The following FNBP4 variants were observed in gnomAD, a reference collection of about 807,000 sequenced individuals.
FNBP4 encodes the protein formin-binding protein 4.
In FNBP4, 34 loss-of-function variants were observed where a neutral mutation model predicts 119.3. The ratio of observed to expected loss-of-function variants is 0.28; its 90% CI spans 0.22 to 0.38. FNBP4 has a LOEUF of 0.38. FNBP4 is among the 10% of genes least tolerant of loss of function. FNBP4 has a pLI of 1.00. For missense variants in FNBP4, 1,112 were observed against 1,228.9 expected, an observed-to-expected ratio of 0.90 and a Z score of 1.42; for synonymous variants, 462 against 430.6, an observed-to-expected ratio of 1.07 and a Z score of -0.90.
intron 1 of FNBP4, among the ~76,000 whole-genome samples, chr11:47,766,589 C>T (rs550094536): frequency 2.0e-4 from 31 of 152,342 alleles, no homozygotes; most frequent in Admixed American, 3.3e-4. Flanking sequence ...CTCCATTTCT[C>T]CAGCAGTTCT....
intron 1 of FNBP4, among the ~76,000 whole-genome samples, chr11:47,765,580 G>T (rs1002603674): frequency 1.3e-5 from 1 of 76,880 alleles, no homozygotes; most frequent in Non-Finnish European, 2.5e-5. Context: ...GGGGGGGGGG[G>T]GGCCACTTGA....
intron 8 of FNBP4, among the ~76,000 whole-genome samples, chr11:47,742,012 G>C (rs1017459426): frequency 6.6e-6 from 1 of 151,942 alleles, no homozygotes; most frequent in Non-Finnish European, 1.5e-5. Flanking sequence ...TTTAACCAAT[G>C]AACAATAATT....
Position 47,767,183 on chromosome 11 carries a change from C to T in FNBP4, c.106G>A (p.Asp36Asn), listed in dbSNP as rs1238703239. 9.6e-6 allele frequency: 15 copies of T among 1,559,814 alleles called. No individual in the cohort carries two copies. The highest frequency in any genetic ancestry group is 1.2e-5 in the Non-Finnish European group (14 of 1,158,338). The change falls in exon 1 of 17, where the codon GAC becomes AAC. Residue 36 changes from aspartate (D) to asparagine (N), a missense_variant. Physicochemically the swap from Asp to Asn is conservative, Grantham distance 23 (BLOSUM62 1). This residue lies in a region of FNBP4 where 286 missense variants were observed against 240.1 expected (regional missense o/e 1.19). Transcript: ENST00000263773. ...GCCGCGGTTGAGTCCGGCTCAGTGT[C>T]GGGTTCCGGCTCCGGGTCCCGGCCC... The part of the protein sequence containing the change: ...TPGRDPEPEP[D>N]TEPDSTAAVP...
intron 7 of FNBP4, among the ~76,000 whole-genome samples, chr11:47,744,405 C>G (rs1334238315): frequency 6.9e-6 from 1 of 144,956 alleles, no homozygotes; most frequent in Non-Finnish European, 1.6e-5. Flanking sequence ...TTCCAAGTAG[C>G]TGGAACTACA....
chr11:47,751,825 G>T (rs1352421968), intron 4 of FNBP4, among the ~76,000 whole-genome samples: 1 of 152,042 alleles, frequency 6.6e-6, no homozygotes, highest in African/African-American at 2.4e-5. Flanking sequence ...GTGCGTGCCT[G>T]TAATCCCAGC....
At position 47,732,821 on chromosome 11, in the gene FNBP4, A is replaced by C; in HGVS notation, c.1687-151T>G. On this transcript the variant is annotated intron_variant, in intron 10 of 16. Coordinates refer to ENST00000263773, the MANE Select transcript of FNBP4 (RefSeq NM_015308.5). The surrounding 1 kb of genome is among the most constrained non-coding windows in gnomAD (Gnocchi z 4.2). ...GGAAAATAAACCCCATCTTCATCTCATAAAATAATCTTAAGGCCGGGCATG... is the reference window on the plus strand; with the variant it reads ...GGAAAATAAACCCCATCTTCATCTCCTAAAATAATCTTAAGGCCGGGCATG... The C allele has an allele frequency of 4.0e-6, 3 of 751,244 alleles. No individual in the cohort carries two copies. Among genetic ancestry groups the C allele is most frequent in the Non-Finnish European group, 6.4e-6 (3 of 466,002 alleles). The allele number at this position is 751,244 out of a possible 1,614,324, so 46.5% of individuals were successfully genotyped here. A position where few individuals can be genotyped will look rare whatever the true frequency, so the allele number is the denominator to read the frequency against.
intron 8 of FNBP4, among the ~76,000 whole-genome samples, chr11:47,740,393 CAG>C (rs971284914): frequency 2.7e-5 from 4 of 150,204 alleles, no homozygotes; most frequent in Non-Finnish European, 1.5e-5. Flanking sequence ...GCCTGGGTGA[CAG>C]AGTGAGACCC....
rs959216027 is a variant in FNBP4, at chr11:47,724,245, T to G, written c.2320-73A>C. The G allele has an allele frequency of 2.3e-5, 36 of 1,570,728 alleles. No homozygotes were observed. The African/African-American group carries it at 4.1e-4, about 18-fold the overall frequency. ...ATAGCCCGCTCCCACCTCCTTTTTTTGAGACAGGCTCTCATTCTGTTGCAC... is the reference window on the plus strand; with the variant it reads ...ATAGCCCGCTCCCACCTCCTTTTTTGGAGACAGGCTCTCATTCTGTTGCAC... On this transcript the variant is annotated intron_variant, in intron 13 of 16. Transcript: ENST00000263773.
chr11:47,730,264 T>G lies in FNBP4; in HGVS notation c.2008+1110A>C, dbSNP rs997786535. ...CTGCTACCAAAAGAGAGGAAAAATATTCAAAAGAAAATCTCTTCATGTAAA... is the reference window on the plus strand; with the variant it reads ...CTGCTACCAAAAGAGAGGAAAAATAGTCAAAAGAAAATCTCTTCATGTAAA... On this transcript the variant is annotated intron_variant, in intron 12 of 16. Transcript: ENST00000263773. The G allele has an allele frequency of 3.0e-5, 29 of 982,328 alleles. No homozygotes were observed. In the African/African-American group the frequency reaches 4.7e-4, roughly 16 times the overall value. 60.9% of individuals were successfully genotyped at this position (982,328 alleles called of 1,614,324 possible). A position where few individuals can be genotyped will look rare whatever the true frequency, so the allele number is the denominator to read the frequency against.
chr11:47,741,477 C>T (rs890009575), intron 8 of FNBP4, among the ~76,000 whole-genome samples: 1 of 151,734 alleles, frequency 6.6e-6, no homozygotes, highest in African/African-American at 2.4e-5. Flanking sequence ...ATGCACATAA[C>T]TATGGTATGT....
intron 6 of FNBP4, among the ~76,000 whole-genome samples, chr11:47,750,381 CAA>C (rs59583797): frequency 3.2e-3 from 78 of 24,732 alleles, no homozygotes; most frequent in Middle Eastern, 0.045. Flanking sequence ...GACTCCATAT[CAA>C]AAAAAAAAAA....
At chr11:47,728,848 CTTTTTT>C (rs35490791) in intron 12 of FNBP4, among the ~76,000 whole-genome samples, 3 of 113,586 alleles carry the variant, frequency 2.6e-5, no homozygotes, top group African/African-American at 6.6e-5. Context: ...CTGTAGGCGT[CTTTTTT>C]TTTTTTTTTT....
At chr11:47,743,275 G>C (rs2097584851) in intron 8 of FNBP4, among the ~76,000 whole-genome samples, 1 of 152,100 alleles carries the variant, frequency 6.6e-6, no homozygotes, top group Non-Finnish European at 1.5e-5. Flanking sequence ...CTGAGATCAG[G>C]AGTTCGAGAT....
In FNBP4 at chr11:47,724,181, C is replaced by T; in HGVS notation, c.2320-9G>A. ...GTGGAATCAACTGAACTCTGAAACA[C>T]AAACATTTGTTATCAGTGGCTGAAG... On this transcript the variant is annotated splice_polypyrimidine_tract_variant and intron_variant, in intron 13 of 16. Coordinates refer to ENST00000263773, the MANE Select transcript of FNBP4 (RefSeq NM_015308.5). 3 of 1,613,682 alleles carry T rather than the reference C, an allele frequency of 1.9e-6. No homozygotes were observed. The highest frequency in any genetic ancestry group is 1.3e-5 in the African/African-American group (1 of 75,034).
At chr11:47,729,655 G>C in intron 12 of FNBP4, 1 of 961,778 alleles carries the variant, frequency 1.0e-6, no homozygotes, top group Non-Finnish European at 1.2e-6. Context: ...GACTACAGGC[G>C]TGGGCCACTA....
At chr11:47,758,172 C>T (rs574425103) in intron 2 of FNBP4, among the ~76,000 whole-genome samples, 1 of 152,282 alleles carries the variant, frequency 6.6e-6, no homozygotes, top group African/African-American at 2.4e-5. Context: ...CCTTGACCTC[C>T]TGAGCTCAAC....
At chr11:47,757,994 T>C (rs2135264083) in intron 2 of FNBP4, among the ~76,000 whole-genome samples, 1 of 152,360 alleles carries the variant, frequency 6.6e-6, no homozygotes, top group Non-Finnish European at 1.5e-5. Flanking sequence ...TTTTTTATTT[T>C]ATGCAGAGAT....
intron 2 of FNBP4, among the ~76,000 whole-genome samples, chr11:47,762,784 C>T (rs2097638480): frequency 6.6e-6 from 1 of 151,380 alleles, no homozygotes; most frequent in Non-Finnish European, 1.5e-5. Flanking sequence ...GTGGCGTGGG[C>T]CCGTAATCCC....
In FNBP4 at chr11:47,743,740, A is replaced by G. The variant is rs73451054; in HGVS notation, c.1456+213T>C. 8.9e-3 allele frequency: 5,072 copies of G among 571,018 alleles called. 72 individuals carry two copies. Among genetic ancestry groups the G allele is most frequent in the African/African-American group, 0.045 (2,423 of 53,358 alleles). The allele number at this position is 571,018 out of a possible 1,614,324, so 35.4% of individuals were successfully genotyped here. Reference sequence around the variant, plus strand: ...GGGACTGGACTCTGAATACACCACCATCCAGTGGGTGTCAGCCTCTCAGGC... The same window carrying G: ...GGGACTGGACTCTGAATACACCACCGTCCAGTGGGTGTCAGCCTCTCAGGC... On this transcript the variant is annotated intron_variant, in intron 8 of 16. Coordinates refer to ENST00000263773, the MANE Select transcript of FNBP4 (RefSeq NM_015308.5).
Sources: allele counts gnomAD v4.1 joint callset (sites outside exome capture counted in the v4.1 genomes callset), GRCh38; gene constraint gnomAD v4.1.1; regional missense constraint gnomAD v4.1.1; non-coding constraint Gnocchi (gnomAD v3.1); transcripts MANE v1.5; gene names NCBI Gene and HGNC (gene_info 2026-07-23, HGNC 2026-07-21).